Variants in RBFOX1 observed in about 807,000 individuals in gnomAD.
The protein encoded by RBFOX1 is RNA binding fox-1 homolog 1.
In RBFOX1, 8 loss-of-function variants were observed where a neutral mutation model predicts 57.7. That is an observed-to-expected ratio of 0.14 (90% CI 0.08 to 0.25). The LOEUF (loss-of-function observed/expected upper bound fraction) is 0.25. RBFOX1 is among the 10% of genes least tolerant of loss of function. RBFOX1 has a pLI of 1.00. For synonymous variants in RBFOX1, 326 were observed against 222.4 expected (o/e 1.47, Z -4.15); for missense variants, 611 against 548.5 (o/e 1.11, Z -1.14).
intron 3 of RBFOX1, among the ~76,000 whole-genome samples, chr16:5,611,733 T>TCCATCCATCCATCCATCCAC (rs1420314376): frequency 1.8e-4 from 25 of 142,436 alleles, no homozygotes; most frequent in Non-Finnish European, 3.2e-4. Flanking sequence ...CATCCATCCA[T>TCCATCCATCCATCCATCCAC]CCATCCATCC....
chr16:7,572,444 A>T (rs942486983), intron 5 of RBFOX1, among the ~76,000 whole-genome samples: 1 of 152,086 alleles, frequency 6.6e-6, no homozygotes, highest in African/African-American at 2.4e-5. Flanking sequence ...ATCCCAGGAG[A>T]TATTTTTTGT....
In RBFOX1 at chr16:5,821,296, A is replaced by AT. The variant is rs888699204; in HGVS notation, c.319-45990dup. ...GCTGTCTGTCATTCTCTCTTTTTTT[A>AT]TTTTTTTTTTTTTTTTTGAGACGGA... On this transcript the variant is annotated intron_variant, in intron 3 of 19. Coordinates refer to the RBFOX1 transcript ENST00000641259. Among the ~76,000 whole-genome samples the AT allele has an allele frequency of 1.2e-3, 150 of 129,346 alleles. 2 individuals are homozygous for AT. The East Asian group carries it at 0.013, about 11-fold the overall frequency. 84.9% of individuals were successfully genotyped at this position (129,346 alleles called of 152,430 possible).
intron 1 of RBFOX1, among the ~76,000 whole-genome samples, chr16:5,321,731 G>T (rs759979604): frequency 3.3e-5 from 5 of 152,166 alleles, no homozygotes; most frequent in Non-Finnish European, 7.4e-5. Context: ...GGGGCTACTG[G>T]TGGTGGTTTG....
At chr16:6,379,930 C>T (rs1003116457) in intron 2 of RBFOX1, among the ~76,000 whole-genome samples, 59 of 152,066 alleles carry the variant, frequency 3.9e-4, no homozygotes, top group Middle Eastern at 3.2e-3. Context: ...ATGGAGAAAG[C>T]TTCAGGAGAG....
chr16:5,877,858 A>G (rs772448103), intron 4 of RBFOX1, among the ~76,000 whole-genome samples: 3 of 152,206 alleles, frequency 2.0e-5, no homozygotes, highest in Admixed American at 6.5e-5. Context: ...GGGTGTTCCC[A>G]TGGTGATGAT....
intron 3 of RBFOX1, among the ~76,000 whole-genome samples, chr16:6,845,717 C>G (rs1375197628): frequency 6.6e-6 from 1 of 152,192 alleles, no homozygotes; most frequent in African/African-American, 2.4e-5. Context: ...TTCTCTGACA[C>G]AGACCCATGT....
At chr16:5,859,363 C>T (rs9940130) in intron 3 of RBFOX1, among the ~76,000 whole-genome samples, 2,520 of 152,270 alleles carry the variant, frequency 0.017, 86 homozygotes, top group African/African-American at 0.057. Context: ...TTCTCAATCT[C>T]CAACTCTAAG....
intron 3 of RBFOX1, among the ~76,000 whole-genome samples, chr16:6,719,269 G>A (rs189313121): frequency 1.3e-5 from 2 of 151,552 alleles, no homozygotes; most frequent in African/African-American, 4.9e-5. Context: ...GAAATACTAG[G>A]ATTCAATATT....
At position 5,654,316 on chromosome 16, in the gene RBFOX1, A is replaced by T. The variant is rs141853158; in HGVS notation, c.318+55355A>T. Among the ~76,000 whole-genome samples the T allele has an allele frequency of 2.6e-3, 395 of 152,274 alleles. 1 individual carries two copies. The highest frequency in any genetic ancestry group is 9.2e-3 in the African/African-American group (384 of 41,548). ...TCTGGGAGCCAAGTGTTGAATTCTCAGGAATCCTGCAAGCCAGATGTTAAG... is the reference window on the plus strand; with the variant it reads ...TCTGGGAGCCAAGTGTTGAATTCTCTGGAATCCTGCAAGCCAGATGTTAAG... On this transcript the variant is annotated intron_variant, in intron 3 of 19. Coordinates refer to the RBFOX1 transcript ENST00000641259.
chr16:6,737,759 C>T (rs184497564), intron 3 of RBFOX1, among the ~76,000 whole-genome samples: 6 of 152,072 alleles, frequency 3.9e-5, no homozygotes, highest in South Asian at 2.1e-4. Context: ...AAATAATAGT[C>T]CATTTATTAA....
intron 4 of RBFOX1, among the ~76,000 whole-genome samples, chr16:7,066,189 G>T (rs894465899): frequency 6.6e-6 from 1 of 152,182 alleles, no homozygotes; most frequent in Non-Finnish European, 1.5e-5. Flanking sequence ...TTCACACTTA[G>T]AGAAAAAGGG....
chr16:7,416,795 T>C (rs1033672530), intron 4 of RBFOX1, among the ~76,000 whole-genome samples: 1 of 152,030 alleles, frequency 6.6e-6, no homozygotes, highest in African/African-American at 2.4e-5. Context: ...CGATAGTGAG[T>C]AGATATCATG....
chr16:7,324,442 C>T (rs1028192403), intron 4 of RBFOX1, among the ~76,000 whole-genome samples: 9 of 152,086 alleles, frequency 5.9e-5, no homozygotes, highest in South Asian at 2.1e-4. Context: ...GCTGCATCCT[C>T]CCCCCTTCTG....
intron 4 of RBFOX1, among the ~76,000 whole-genome samples, chr16:5,921,499 G>A (rs1162206195): frequency 1.3e-5 from 2 of 152,144 alleles, no homozygotes; most frequent in Admixed American, 6.5e-5. Context: ...ACCGATGAGG[G>A]CATCAAGATG....
At chr16:7,053,313 C>A (rs975949847) in intron 4 of RBFOX1, among the ~76,000 whole-genome samples, 1 of 152,162 alleles carries the variant, frequency 6.6e-6, no homozygotes, top group African/African-American at 2.4e-5. Flanking sequence ...CCTCCAAGTA[C>A]CTGTGCCGAC....
At chr16:7,389,243 A>T (rs2097945598) in intron 4 of RBFOX1, among the ~76,000 whole-genome samples, 1 of 152,082 alleles carries the variant, frequency 6.6e-6, no homozygotes, top group Non-Finnish European at 1.5e-5. Context: ...CCTGTACCTC[A>T]GCCTCCTGAA....
At chr16:6,273,096 C>T (rs1259543974) in intron 1 of RBFOX1, among the ~76,000 whole-genome samples, 2 of 151,852 alleles carry the variant, frequency 1.3e-5, no homozygotes, top group African/African-American at 2.4e-5. Flanking sequence ...CCCTTCTCTA[C>T]TAAAAATACA....
chr16:5,986,393 A>C (rs2060286806), intron 4 of RBFOX1, among the ~76,000 whole-genome samples: 1 of 152,174 alleles, frequency 6.6e-6, no homozygotes, highest in Non-Finnish European at 1.5e-5. Context: ...TCAATTGTAC[A>C]TTCACAGGCA....
At position 7,711,167 on chromosome 16, in the gene RBFOX1, A is replaced by G. The variant is rs528043038; in HGVS notation, c.*422A>G. The G allele has an allele frequency of 6.7e-6, 1 of 150,146 alleles. No individual in the cohort carries two copies. Among genetic ancestry groups the G allele is most frequent in the South Asian group, 2.2e-4 (1 of 4,474 alleles). The allele number at this position is 150,146 out of a possible 1,614,324, so 9.3% of individuals were successfully genotyped here. Reference sequence around the variant, plus strand: ...TTTTTTTCTGCACCTGCATTATTTTATTTTGCGAAAGGGGAGGTTGGGAGG... The same window carrying G: ...TTTTTTTCTGCACCTGCATTATTTTGTTTTGCGAAAGGGGAGGTTGGGAGG... On this transcript the variant is annotated 3_prime_UTR_variant, in exon 16 of 16. Transcript: ENST00000550418.
Sources: allele counts gnomAD v4.1 joint callset (sites outside exome capture counted in the v4.1 genomes callset), GRCh38; gene constraint gnomAD v4.1.1; transcripts MANE v1.5; gene names NCBI Gene and HGNC (gene_info 2026-07-23, HGNC 2026-07-21).